The following KIRREL1 variants were observed in gnomAD, a reference collection of about 807,000 sequenced individuals.
KIRREL1 encodes the protein kirre like nephrin family adhesion molecule 1.
In KIRREL1, 25 loss-of-function variants were observed where a neutral mutation model predicts 83.3. That is an observed-to-expected ratio of 0.30 (90% CI 0.22 to 0.42). The LOEUF is 0.42. Among genes scored for constraint, KIRREL1 ranks in the 10% least tolerant of loss-of-function variants. The pLI is 1.00. For synonymous variants in KIRREL1, 388 were observed against 410.4 expected, an observed-to-expected ratio of 0.95 and a Z score of 0.66; for missense variants, 812 against 1,032.3, an observed-to-expected ratio of 0.79 and a Z score of 2.92.
intron 1 of KIRREL1, among the ~76,000 whole-genome samples, chr1:158,017,034 G>T (rs1212988095): frequency 6.6e-6 from 1 of 152,170 alleles, no homozygotes; most frequent in African/African-American, 2.4e-5. Context: ...TCTCTGTTTT[G>T]TTCAACCCCA....
At chr1:158,058,976 G>A (rs920257399) in intron 1 of KIRREL1, among the ~76,000 whole-genome samples, 1 of 152,216 alleles carries the variant, frequency 6.6e-6, no homozygotes, top group Non-Finnish European at 1.5e-5. Context: ...CAGAGAGGGA[G>A]TGGCAGGACC....
intron 1 of KIRREL1, among the ~76,000 whole-genome samples, chr1:158,031,672 G>A (rs1001593435): frequency 6.6e-6 from 1 of 152,240 alleles, no homozygotes; most frequent in Admixed American, 6.5e-5. Context: ...TCCTGAGGCT[G>A]ATTGACCCCT....
intron 3 of KIRREL1, among the ~76,000 whole-genome samples, chr1:158,082,376 A>T (rs1661888106): frequency 6.6e-6 from 1 of 152,086 alleles, no homozygotes; most frequent in Non-Finnish European, 1.5e-5. Context: ...ACAGCAGGTA[A>T]ACAAAGGTGC....
At chr1:158,087,031 T>A (rs1662037682) in intron 5 of KIRREL1, among the ~76,000 whole-genome samples, 1 of 152,136 alleles carries the variant, frequency 6.6e-6, no homozygotes, top group African/African-American at 2.4e-5. Flanking sequence ...ATACTGTATA[T>A]TGCAAAAGAT....
intron 1 of KIRREL1, among the ~76,000 whole-genome samples, chr1:158,060,554 C>A (rs1201894181): frequency 2.6e-5 from 4 of 152,170 alleles, no homozygotes; most frequent in Non-Finnish European, 4.4e-5. Context: ...TTCTGCTGCG[C>A]CTTCCTCCTC....
chr1:158,035,856 T>G (rs1660462475), intron 1 of KIRREL1, among the ~76,000 whole-genome samples: 3 of 152,182 alleles, frequency 2.0e-5, no homozygotes, highest in Admixed American at 2.0e-4. Context: ...GTCAATAATT[T>G]GGGAGGAACA....
intron 1 of KIRREL1, among the ~76,000 whole-genome samples, chr1:158,039,524 G>C (rs1017021818): frequency 6.6e-6 from 1 of 152,134 alleles, no homozygotes; most frequent in African/African-American, 2.4e-5. Flanking sequence ...GGGCAAGCTG[G>C]GGTGACCAGA....
intron 1 of KIRREL1, among the ~76,000 whole-genome samples, chr1:158,010,649 T>G (rs1489108546): frequency 6.6e-6 from 1 of 152,236 alleles, no homozygotes; most frequent in Non-Finnish European, 1.5e-5. Flanking sequence ...GGCAGATTTC[T>G]TTCCCTGAAA....
intron 3 of KIRREL1, among the ~76,000 whole-genome samples, chr1:158,081,638 C>T (rs1419184440): frequency 6.6e-6 from 1 of 152,184 alleles, no homozygotes; most frequent in East Asian, 1.9e-4. Flanking sequence ...TAAACACATG[C>T]ACACATGGAC....
At chr1:158,001,135 C>G (rs141186517) in intron 1 of KIRREL1, among the ~76,000 whole-genome samples, 2 of 152,164 alleles carry the variant, frequency 1.3e-5, no homozygotes, top group African/African-American at 2.4e-5. Flanking sequence ...TTTGCCCCTT[C>G]TTTCCTTCTG....
chr1:158,036,841 G>A (rs1441686489), intron 1 of KIRREL1, among the ~76,000 whole-genome samples: 2 of 152,158 alleles, frequency 1.3e-5, no homozygotes, highest in Non-Finnish European at 2.9e-5. Flanking sequence ...GTCTGGAGAA[G>A]AAAGACTGGG....
At chr1:158,063,774 C>A (rs1356965002) in intron 1 of KIRREL1, among the ~76,000 whole-genome samples, 2 of 152,202 alleles carry the variant, frequency 1.3e-5, no homozygotes, top group African/African-American at 2.4e-5. Flanking sequence ...CCTACTCATC[C>A]CTCGGATCTT....
chr1:158,086,894 C>A, intron 5 of KIRREL1, 148 bp downstream of exon 5: 4 of 758,564 alleles, frequency 5.3e-6, no homozygotes, highest in Non-Finnish European at 8.5e-6. Context: ...CTTTCATTCC[C>A]TGGATTGAAC....
At chr1:158,072,551 G>C (rs1271183313) in intron 1 of KIRREL1, among the ~76,000 whole-genome samples, 1 of 152,084 alleles carries the variant, frequency 6.6e-6, no homozygotes, top group Non-Finnish European at 1.5e-5. Flanking sequence ...AGTCACGGGA[G>C]ACTTCCCAGA....
intron 1 of KIRREL1, among the ~76,000 whole-genome samples, chr1:158,057,299 AT>A (rs1417755829): frequency 6.6e-6 from 1 of 152,130 alleles, no homozygotes; most frequent in Admixed American, 6.5e-5. Context: ...TCTTTCTGTT[AT>A]CCCAGAAAGG....
At chr1:158,033,977 G>GA (rs543534535) in intron 1 of KIRREL1, among the ~76,000 whole-genome samples, 2,265 of 144,134 alleles carry the variant, frequency 0.016, 52 homozygotes, top group African/African-American at 0.054. Flanking sequence ...AACTCCATCG[G>GA]AAAAAAAAAA....
rs568121370 is a variant in KIRREL1 at position 158,048,712 on chromosome 1, A to G, written c.53-27401A>G. On this transcript the variant is annotated intron_variant, in intron 1 of 14. Transcript: ENST00000359209. ...ACAAGTCAGCGGTTCAAGGCAGGCC[A>G]TTAACAACTGAAGTTGAGCACCTGT... 4.6e-5 allele frequency among the ~76,000 whole-genome samples: 7 copies of G among 152,372 alleles called. No homozygotes were observed. The South Asian group carries it at 8.3e-4, about 18-fold the overall frequency.
chr1:158,049,372 A>G (rs958589348), intron 1 of KIRREL1, among the ~76,000 whole-genome samples: 7 of 152,170 alleles, frequency 4.6e-5, no homozygotes, highest in African/African-American at 1.7e-4. Context: ...CTGTGTCTTG[A>G]TGGATGGAGA....
rs1553234985 is a variant in KIRREL1, at chr1:157,997,468, G to GGGGT, written c.52+3741_52+3742insGGTG. Among the ~76,000 whole-genome samples, 16 of 149,700 alleles carry GGGGT rather than the reference G, an allele frequency of 1.1e-4. 1 individual carries two copies. In the South Asian group the frequency reaches 3.4e-3, roughly 32 times the overall value. Reference sequence around the variant, plus strand: ...TTCTTCTCCCTATGATTCTTTGTGGGGTGTGTGTGTGTGTGTGTGTGTTTT... The same window carrying GGGGT: ...TTCTTCTCCCTATGATTCTTTGTGGGGGGTGTGTGTGTGTGTGTGTGTGTGTTTT... On this transcript the variant is annotated intron_variant, in intron 1 of 14. Coordinates refer to ENST00000359209, the MANE Select transcript of KIRREL1 (RefSeq NM_018240.7).
Sources: gnomAD v4.1 joint callset for allele counts (sites outside exome capture counted in the v4.1 genomes callset) on GRCh38, gnomAD v4.1.1 for gene constraint, MANE v1.5 for transcripts, NCBI Gene and HGNC (gene_info 2026-07-23, HGNC 2026-07-21) for gene names.